The following DTNA variants were observed in gnomAD, a reference collection of about 807,000 sequenced individuals.
The protein encoded by DTNA is dystrophin-related protein 3.
Under a neutral mutation model 100.7 loss-of-function variants are expected in DTNA, and 43 were observed. That is an observed-to-expected ratio of 0.43 (90% confidence interval 0.33 to 0.55). The LOEUF is 0.55. DTNA is among the 20% of genes least tolerant of loss of function. The pLI, the probability that DTNA is intolerant of heterozygous loss-of-function variation, is 0.04. For synonymous variants in DTNA, 349 were observed against 347.9 expected, an observed-to-expected ratio of 1.00 and a Z score of -0.04; for missense variants, 798 against 953.9, an observed-to-expected ratio of 0.84 and a Z score of 2.15.
At chr18:34,603,177 C>A (rs970080828) in intron 1 of DTNA, among the ~76,000 whole-genome samples, 1 of 151,406 alleles carries the variant, frequency 6.6e-6, no homozygotes, top group African/African-American at 2.4e-5. Context: ...TGCCACTGCT[C>A]CCCAGCCTGG....
chr18:34,865,602 C>T (rs188406570), intron 17 of DTNA, among the ~76,000 whole-genome samples: 1 of 152,260 alleles, frequency 6.6e-6, no homozygotes, highest in East Asian at 1.9e-4. Context: ...TAGTTCATAA[C>T]CTGCTGCTGT....
intron 21 of DTNA, 127 bp from the exon 22 acceptor site, chr18:34,884,601 C>T: frequency 1.9e-6 from 2 of 1,061,014 alleles, no homozygotes; most frequent in Admixed American, 3.4e-5. Flanking sequence ...GAACGCTACT[C>T]TCACTCAATA....
intron 16 of DTNA, among the ~76,000 whole-genome samples, chr18:34,860,405 C>T (rs1217692590): frequency 6.6e-6 from 1 of 151,808 alleles, no homozygotes; most frequent in Admixed American, 6.6e-5. Context: ...CAACTATGTT[C>T]CAGGTATATC....
At chr18:34,544,959 G>C (rs976088714) in intron 1 of DTNA, among the ~76,000 whole-genome samples, 1 of 152,028 alleles carries the variant, frequency 6.6e-6, no homozygotes, top group African/African-American at 2.4e-5. Context: ...AAAAGATGAT[G>C]TTGTTTAATA....
At chr18:34,669,718 C>T (rs1391269998) in intron 1 of DTNA, among the ~76,000 whole-genome samples, 8 of 152,032 alleles carry the variant, frequency 5.3e-5, no homozygotes, top group South Asian at 2.1e-4. Flanking sequence ...AATTCTGGGT[C>T]GAAAATTCTT....
chr18:34,785,784 A>G (rs1321571976), intron 3 of DTNA, among the ~76,000 whole-genome samples: 1 of 149,886 alleles, frequency 6.7e-6, no homozygotes, highest in Non-Finnish European at 1.5e-5. Context: ...TAATATCTCT[A>G]TCTCCTCCCT....
intron 1 of DTNA, among the ~76,000 whole-genome samples, chr18:34,691,921 T>C (rs2079830530): frequency 1.3e-5 from 2 of 152,266 alleles, no homozygotes; most frequent in Non-Finnish European, 1.5e-5. Context: ...ATCATAGTTA[T>C]GTGTCCTATC....
intron 10 of DTNA, among the ~76,000 whole-genome samples, chr18:34,828,435 A>G (rs2095913549): frequency 6.6e-6 from 1 of 152,212 alleles, no homozygotes. Flanking sequence ...GTAATTGAAC[A>G]TAAGATTTCA....
At chr18:34,576,106 C>CT (rs1280485175) in intron 1 of DTNA, among the ~76,000 whole-genome samples, 1 of 152,220 alleles carries the variant, frequency 6.6e-6, no homozygotes, top group African/African-American at 2.4e-5. Flanking sequence ...ATAGAACCAT[C>CT]TTTTGGGGAA....
chr18:34,781,135 G>C (rs1450325372), intron 3 of DTNA, among the ~76,000 whole-genome samples: 1 of 152,224 alleles, frequency 6.6e-6, no homozygotes, highest in Non-Finnish European at 1.5e-5. Flanking sequence ...GCAGGAGAAA[G>C]AGGCAGGGCC....
chr18:34,798,420 A>G (rs2095075713), intron 4 of DTNA, among the ~76,000 whole-genome samples: 1 of 151,730 alleles, frequency 6.6e-6, no homozygotes, highest in African/African-American at 2.4e-5. Flanking sequence ...GCTCCACAGA[A>G]AAAAAAAACA....
intron 9 of DTNA, among the ~76,000 whole-genome samples, chr18:34,823,008 T>C (rs1328809648): frequency 1.3e-5 from 2 of 152,210 alleles, no homozygotes; most frequent in African/African-American, 4.8e-5. Flanking sequence ...TACAAGACAT[T>C]CTGGATGTAG....
rs1602996457 is a variant in DTNA at position 34,834,471 on chromosome 18, C to T, written c.1176-3623C>T. Among the ~76,000 whole-genome samples the T allele has an allele frequency of 2.6e-5, 4 of 152,080 alleles. No homozygotes were observed. The South Asian group carries it at 8.3e-4, about 32-fold the overall frequency. ...TGAGCCAAGATCGCACCATTGCACT[C>T]CAGCCTGGGCAACAAGAGTGAAACT... On this transcript the variant is annotated intron_variant, in intron 11 of 22. Coordinates refer to ENST00000444659, the MANE Select transcript of DTNA (RefSeq NM_001386795.1).
intron 1 of DTNA, among the ~76,000 whole-genome samples, chr18:34,603,987 G>A (rs2052488317): frequency 6.6e-6 from 1 of 152,124 alleles, no homozygotes; most frequent in Non-Finnish European, 1.5e-5. Context: ...TTCTGTGCAA[G>A]AAGAAAAGCA....
chr18:34,600,499 A>T (rs916632189), intron 1 of DTNA, among the ~76,000 whole-genome samples: 14 of 152,224 alleles, frequency 9.2e-5, no homozygotes, highest in Admixed American at 6.5e-4. Context: ...TGAATTAATC[A>T]CAGTTCAGGA....
At chr18:34,553,260 T>G (rs2045652302) in intron 1 of DTNA, among the ~76,000 whole-genome samples, 1 of 151,868 alleles carries the variant, frequency 6.6e-6, no homozygotes, top group Admixed American at 6.6e-5. Context: ...TTTGAGTTCA[T>G]TCTAGATTCT....
At chr18:34,884,703 C>T (rs944466196) in intron 21 of DTNA, 25 bp from the exon 22 acceptor site, 95 of 1,613,878 alleles carry the variant, frequency 5.9e-5, no homozygotes, top group Non-Finnish European at 7.5e-5. Flanking sequence ...TCACCTTTCT[C>T]GTTTGTGTCC....
intron 3 of DTNA, among the ~76,000 whole-genome samples, chr18:34,777,972 T>C (rs1568488532): frequency 6.6e-6 from 1 of 152,176 alleles, no homozygotes; most frequent in Non-Finnish European, 1.5e-5. Flanking sequence ...ACCCTCATCA[T>C]TGTGTTAGTG....
chr18:34,684,159 A>AT (rs2078525174), intron 1 of DTNA, among the ~76,000 whole-genome samples: 3 of 152,022 alleles, frequency 2.0e-5, no homozygotes, highest in African/African-American at 7.2e-5. Context: ...ATTTTTATGT[A>AT]TATATATACT....
Sources: allele counts gnomAD v4.1 joint callset (sites outside exome capture counted in the v4.1 genomes callset), GRCh38; gene constraint gnomAD v4.1.1; transcripts MANE v1.5; gene names NCBI Gene and HGNC (gene_info 2026-07-23, HGNC 2026-07-21).